The following CDH2 variants were observed in gnomAD, a reference collection of about 807,000 sequenced individuals.
CDH2 encodes the protein cadherin-2.
In CDH2, 17 loss-of-function variants were observed where a neutral mutation model predicts 92.0. The observed-to-expected ratio is 0.18, with a 90% CI of 0.13 to 0.28. CDH2 has a LOEUF of 0.28. Among genes scored for constraint, CDH2 ranks in the 10% least tolerant of loss-of-function variants. The probability of loss-of-function intolerance (pLI) is 1.00; values close to 1 mark genes in which losing one functional copy is unlikely to be tolerated. For missense variants in CDH2, 862 were observed against 1,133.1 expected, an observed-to-expected ratio of 0.76 and a Z score of 3.44; for synonymous variants, 419 against 415.9, an observed-to-expected ratio of 1.01 and a Z score of -0.09.
chr18:28,076,892 G>T (rs2014730834), intron 2 of CDH2, among the ~76,000 whole-genome samples: 1 of 151,730 alleles, frequency 6.6e-6, no homozygotes, highest in Non-Finnish European at 1.5e-5. Context: ...TCTGATAGAT[G>T]GAAAAGCAAA....
chr18:27,952,326 G>A lies in CDH2; in HGVS notation c.2548C>T (p.Pro850Ser), dbSNP rs878963425. The A allele has an allele frequency of 6.2e-7, 1 of 1,613,430 alleles. No homozygotes were observed. The highest frequency in any genetic ancestry group is 1.3e-5 in the African/African-American group (1 of 74,850). Residue 850 changes from proline (P) to serine (S), a missense_variant, in exon 16 of 16, where the codon CCA becomes TCA. Around this residue, in one of 5 missense-constraint regions of CDH2, gnomAD observed 114 missense variants for 144.8 expected, o/e 0.79. Coordinates refer to ENST00000269141, the MANE Select transcript of CDH2 (RefSeq NM_001792.5). ...AACACTAACAGGGAGTCATATGGTG[G>A]AGCTGTGGGGTCATTGTCAGCCGCT... ...LKAADNDPTA[P>S]PYDSLLVFDY...
chr18:27,952,413 A>C, intron 15 of CDH2, 54 bp from the exon 16 acceptor site: 1 of 1,408,926 alleles, frequency 7.1e-7, no homozygotes, highest in South Asian at 1.2e-5. Flanking sequence ...TACACTTTAC[A>C]AAACCACAAG....
chr18:28,170,537 G>C (rs906522846), intron 1 of CDH2, among the ~76,000 whole-genome samples: 7 of 152,104 alleles, frequency 4.6e-5, no homozygotes, highest in African/African-American at 1.7e-4. Context: ...AGTAGAGACA[G>C]GGTTTCACCG....
intron 15 of CDH2, chr18:27,954,703 G>T (rs1909625412): frequency 6.6e-6 from 1 of 152,172 alleles, no homozygotes; most frequent in African/African-American, 2.4e-5. Flanking sequence ...GCTAACAAAA[G>T]CCGAAGAATG....
chr18:27,991,741 C>G (rs17522340), intron 9 of CDH2, among the ~76,000 whole-genome samples: 129 of 152,282 alleles, frequency 8.5e-4, no homozygotes, highest in African/African-American at 3.0e-3. Flanking sequence ...TCACTATGTT[C>G]CTTCTGAGAG....
chr18:28,007,092 G>A (rs934803384), intron 5 of CDH2, among the ~76,000 whole-genome samples: 5 of 147,952 alleles, frequency 3.4e-5, no homozygotes, highest in African/African-American at 7.5e-5. Context: ...CCTGGGAGGC[G>A]GCAGCTGCGG....
intron 15 of CDH2, among the ~76,000 whole-genome samples, chr18:27,957,413 C>T (rs1477723027): frequency 8.3e-6 from 1 of 119,876 alleles, no homozygotes; most frequent in East Asian, 2.2e-4. Context: ...CCATGCTCGG[C>T]TAATTTTTGT....
At chr18:28,128,193 A>G (rs1420176865) in intron 2 of CDH2, among the ~76,000 whole-genome samples, 1 of 152,192 alleles carries the variant, frequency 6.6e-6, no homozygotes, top group Non-Finnish European at 1.5e-5. Context: ...TTTCAAGTGT[A>G]TAGTAAAAGT....
chr18:28,096,505 C>T (rs1321805493), intron 2 of CDH2, among the ~76,000 whole-genome samples: 2 of 149,690 alleles, frequency 1.3e-5, no homozygotes, highest in South Asian at 2.1e-4. Flanking sequence ...TATGAAAATA[C>T]ATAACAACAA....
chr18:28,154,262 C>T (rs1163887182), intron 1 of CDH2, among the ~76,000 whole-genome samples: 1 of 152,242 alleles, frequency 6.6e-6, no homozygotes, highest in Non-Finnish European at 1.5e-5. Context: ...GAGCATTACC[C>T]CATCTCCAGT....
chr18:28,095,650 G>A (rs968745061), intron 2 of CDH2, among the ~76,000 whole-genome samples: 3 of 151,466 alleles, frequency 2.0e-5, no homozygotes, highest in East Asian at 3.9e-4. Context: ...AAACCCCATC[G>A]CCACTAAAAA....
intron 2 of CDH2, among the ~76,000 whole-genome samples, chr18:28,126,470 T>C (rs2015679375): frequency 6.6e-6 from 1 of 152,162 alleles, no homozygotes; most frequent in African/African-American, 2.4e-5. Context: ...CCCTTTAAAA[T>C]ATACATAAAA....
At chr18:27,974,242 T>C (rs932902711) in intron 14 of CDH2, among the ~76,000 whole-genome samples, 10 of 152,144 alleles carry the variant, frequency 6.6e-5, no homozygotes, top group Non-Finnish European at 1.5e-5. Context: ...GCAAAATAAG[T>C]ATCTATGAAG....
chr18:28,013,324 G>T (rs1341864577), intron 3 of CDH2, among the ~76,000 whole-genome samples: 1 of 152,050 alleles, frequency 6.6e-6, no homozygotes, highest in Non-Finnish European at 1.5e-5. Flanking sequence ...CTTTAAATCT[G>T]TACTTCTCAT....
intron 15 of CDH2, among the ~76,000 whole-genome samples, chr18:27,955,369 T>TAAAAAA (rs760993428): frequency 1.6e-4 from 5 of 30,830 alleles, no homozygotes; most frequent in Non-Finnish European, 2.2e-4. Context: ...AGTATAATAG[T>TAAAAAA]AAAAAAAAAA....
intron 4 of CDH2, 69 bp downstream of exon 4, chr18:28,011,777 A>G: frequency 6.9e-7 from 1 of 1,458,530 alleles, no homozygotes; most frequent in African/African-American, 1.4e-5. Context: ...TGTAAAAAAA[A>G]TAGACAGAAA....
At chr18:28,151,148 G>A (rs1469160767) in intron 1 of CDH2, among the ~76,000 whole-genome samples, 1 of 152,202 alleles carries the variant, frequency 6.6e-6, no homozygotes, top group African/African-American at 2.4e-5. Flanking sequence ...CCCTTAGGGG[G>A]GCTGACTGCA....
At chr18:27,966,572 T>C (rs951373513) in intron 14 of CDH2, among the ~76,000 whole-genome samples, 11 of 152,200 alleles carry the variant, frequency 7.2e-5, no homozygotes, top group African/African-American at 1.9e-4. Context: ...CATTTAGACA[T>C]AGGTGTATCT....
At chr18:28,132,711 T>C (rs1222153342) in intron 2 of CDH2, among the ~76,000 whole-genome samples, 1 of 152,166 alleles carries the variant, frequency 6.6e-6, no homozygotes, top group Non-Finnish European at 1.5e-5. Context: ...ATTTAAAAAA[T>C]GAATCTCAGG....
Sources: gnomAD v4.1 joint callset for allele counts (sites outside exome capture counted in the v4.1 genomes callset) on GRCh38, gnomAD v4.1.1 for gene constraint, gnomAD v4.1.1 regional missense constraint, MANE v1.5 for transcripts, NCBI Gene and HGNC (gene_info 2026-07-23, HGNC 2026-07-21) for gene names.